Variants in ERFE observed in about 807,000 individuals in gnomAD.
ERFE encodes erythroferrone.
ERFE carries 25 observed loss-of-function variants against 26.6 expected under a neutral mutation model. That is an observed-to-expected ratio of 0.94 (90% confidence interval 0.69 to 1.31). ERFE has a LOEUF of 1.31. Among genes scored for constraint, ERFE ranks in the 40% most tolerant of loss-of-function variants. The probability of loss-of-function intolerance (pLI) is 0.00; values close to 1 mark genes in which losing one functional copy is unlikely to be tolerated. For synonymous variants in ERFE, 206 were observed against 204.5 expected (o/e 1.01, Z -0.06); for missense variants, 447 against 440.2 (o/e 1.02, Z -0.14).
chr2:238,164,363 G>GA lies in ERFE; in HGVS notation c.887+4dup. 1 of 1,542,910 alleles carries GA rather than the reference G, an allele frequency of 6.5e-7. No individual in the cohort carries two copies. The highest frequency in any genetic ancestry group is 8.7e-7 in the Non-Finnish European group (1 of 1,145,654). On this transcript the variant is annotated splice_donor_region_variant and intron_variant, in intron 6 of 7. Transcript: ENST00000546354. ...CAGTCCCGGTGCCAGCGCAACGCGT[G>GA]AGTGTACCCCGGCCCGGACCCCACA...
chr2:238,166,808 T>G, intron 7 of ERFE, 148 bp from the exon 8 acceptor site: 5 of 673,010 alleles, frequency 7.4e-6, no homozygotes, highest in Non-Finnish European at 1.3e-5. Flanking sequence ...CCTTGCTCTG[T>G]GACCTTGGCG....
intron 2 of ERFE, 37 bp downstream of exon 2, chr2:238,161,753 G>T: frequency 6.6e-7 from 1 of 1,514,860 alleles, no homozygotes; most frequent in Non-Finnish European, 8.9e-7. Context: ...GGCCGTGGGG[G>T]GTTCCGCCTC....
chr2:238,160,302 C>A (rs182740544), intron 1 of ERFE, among the ~76,000 whole-genome samples: 1 of 152,326 alleles, frequency 6.6e-6, no homozygotes, highest in African/African-American at 2.4e-5. Flanking sequence ...TCCTGGGACG[C>A]CACCTTCTGC....
In ERFE at chr2:238,163,795, GCCGGTCGCTGCGAGCCTCGCC is replaced by G; in HGVS notation, c.490_510del (p.Ala164_Val170del). On this transcript the variant is annotated inframe_deletion, in exon 4 of 8. Coordinates refer to ENST00000546354, the MANE Select transcript of ERFE (RefSeq NM_001291832.2). ...AACCCTGTACGTGTGGCCCCGCCGG[GCCGGTCGCTGCGAGCCTCGCC>G]CCGGTCTCGGCCACCGCCGGGGAGG... 1.5e-6 allele frequency: 2 copies of G among 1,351,572 alleles called. No homozygotes were observed. Among genetic ancestry groups the G allele is most frequent in the South Asian group, 3.7e-5 (2 of 53,724 alleles). The allele number at this position is 1,351,572 out of a possible 1,614,324, so 83.7% of individuals were successfully genotyped here.
Position 238,162,818 on chromosome 2 carries a change from A to T in ERFE, c.404A>T (p.Glu135Val), listed in dbSNP as rs541208043. Reference protein sequence around the residue: ...PIIPPEALLKEFQLLLKGAVR... With the variant: ...PIIPPEALLKVFQLLLKGAVR... Reference sequence around the variant, plus strand: ...ATCCCACCCGAGGCGCTGCTGAAGGAGTTCCAGCTGCTGCTGAAAGGTAGG... The same window carrying T: ...ATCCCACCCGAGGCGCTGCTGAAGGTGTTCCAGCTGCTGCTGAAAGGTAGG... The change falls in exon 3 of 8, where the codon GAG becomes GTG. Residue 135 changes from glutamate (E) to valine (V), a missense_variant. Coordinates refer to ENST00000546354, the MANE Select transcript of ERFE (RefSeq NM_001291832.2). The T allele has an allele frequency of 2.9e-4, 451 of 1,550,270 alleles. No individual in the cohort carries two copies. The highest frequency in any genetic ancestry group is 3.8e-4 in the Non-Finnish European group (438 of 1,146,840).
rs947260484 is a variant in ERFE, at chr2:238,167,222, G to A, written c.*168G>A. 23 of 761,390 alleles carry A rather than the reference G, an allele frequency of 3.0e-5. No homozygotes were observed. The highest frequency in any genetic ancestry group is 2.4e-4 in the East Asian group (9 of 37,494). 47.2% of individuals were successfully genotyped at this position (761,390 alleles called of 1,614,324 possible). On this transcript the variant is annotated 3_prime_UTR_variant, in exon 8 of 8. Transcript: ENST00000546354. ...ACAGAGCCACTGCAGGCAGGCCTAC[G>A]GACGTGACACGCACGCTGGTGGTCC...
Position 238,163,844 on chromosome 2 carries a change from G to T in ERFE, c.532G>T (p.Asp178Tyr). The stretch of plus-strand genomic sequence containing the variant: ...GGTCTCGGCCACCGCCGGGGAGGAC[G>T]ACGACGACGTGGTGGGGGACGTGCT... ...APVSATAGEDDDDVVGDVLAL... is the reference protein window; with the variant it reads ...APVSATAGEDYDDVVGDVLAL... The change falls in exon 4 of 8, where the codon GAC becomes TAC. Residue 178 changes from aspartate (D) to tyrosine (Y), a missense_variant. Physicochemically the swap from Asp to Tyr is radical, Grantham distance 160. Coordinates refer to ENST00000546354, the MANE Select transcript of ERFE (RefSeq NM_001291832.2). The T allele has an allele frequency of 7.6e-7, 1 of 1,319,962 alleles. No homozygotes were observed. Among genetic ancestry groups the T allele is most frequent in the South Asian group, 2.2e-5 (1 of 45,840 alleles). 81.8% of individuals were successfully genotyped at this position (1,319,962 alleles called of 1,614,324 possible). A position where few individuals can be genotyped will look rare whatever the true frequency, so the allele number is the denominator to read the frequency against.
chr2:238,164,291 G>C lies in ERFE; in HGVS notation c.818G>C (p.Arg273Thr). The C allele has an allele frequency of 6.6e-7, 1 of 1,515,984 alleles. No homozygotes were observed. 93.9% of individuals were successfully genotyped at this position (1,515,984 alleles called of 1,614,324 possible). The change falls in exon 6 of 8, where the codon AGG becomes ACG. Residue 273 changes from arginine (R) to threonine (T), a missense_variant. Arg to Thr is a moderately conservative substitution (Grantham distance 71). Transcript: ENST00000546354. ...GCAGCGCTCGGGGAGCCGCCGAGGAGGGGGCCGCCGCGCCCCCGGGACCAC... is the reference window on the plus strand; with the variant it reads ...GCAGCGCTCGGGGAGCCGCCGAGGACGGGGCCGCCGCGCCCCCGGGACCAC... ...LHVALGEPPR[R>T]GPPRPRDHLR...
At position 238,167,738 on chromosome 2, in the gene ERFE, A is replaced by C. The variant is rs1170791815; in HGVS notation, c.*684A>C. 6.7e-6 allele frequency: 2 copies of C among 297,258 alleles called. No individual in the cohort carries two copies. Among genetic ancestry groups the C allele is most frequent in the Non-Finnish European group, 1.3e-5 (2 of 149,960 alleles). The allele number at this position is 297,258 out of a possible 1,614,324, so 18.4% of individuals were successfully genotyped here. Reference sequence around the variant, plus strand: ...TTCTAGTTCTAATGTGTGCAAGATTAACTCACAAATTCACCTCAGAAGGCC... The same window carrying C: ...TTCTAGTTCTAATGTGTGCAAGATTCACTCACAAATTCACCTCAGAAGGCC... On this transcript the variant is annotated 3_prime_UTR_variant, in exon 8 of 8. Transcript: ENST00000546354.
At chr2:238,165,392 C>A (rs984488157) in intron 6 of ERFE, among the ~76,000 whole-genome samples, 8 of 152,262 alleles carry the variant, frequency 5.3e-5, no homozygotes, top group Admixed American at 1.3e-4. Flanking sequence ...TTGCTGGGCC[C>A]TCGCCTTGCC....
chr2:238,165,052 T>A (rs1693013337), intron 6 of ERFE, among the ~76,000 whole-genome samples: 1 of 152,024 alleles, frequency 6.6e-6, no homozygotes, highest in Admixed American at 6.6e-5. Context: ...GGCCCCCTCC[T>A]CAGTCGCCCT....
chr2:238,168,065 T>C lies in ERFE; in HGVS notation c.*1011T>C, dbSNP rs1466120751. ...AGCATCTTTCCCACTTGGGTGGCCATGCGGCGCTGACATTGGACAGGTGGT... is the reference window on the plus strand; with the variant it reads ...AGCATCTTTCCCACTTGGGTGGCCACGCGGCGCTGACATTGGACAGGTGGT... On this transcript the variant is annotated 3_prime_UTR_variant, in exon 8 of 8. Transcript: ENST00000546354. 6 of 199,616 alleles carry C rather than the reference T, an allele frequency of 3.0e-5. No individual in the cohort carries two copies. Among genetic ancestry groups the C allele is most frequent in the Non-Finnish European group, 6.2e-5 (6 of 96,058 alleles). 12.4% of individuals were successfully genotyped at this position (199,616 alleles called of 1,614,324 possible).
Position 238,164,353 on chromosome 2 carries a change from C to T in ERFE, c.880C>T (p.Arg294Cys), listed in dbSNP as rs114568419. 0.014 allele frequency: 22,204 copies of T among 1,542,222 alleles called. 213 individuals carry two copies. The highest frequency in any genetic ancestry group is 0.018 in the Non-Finnish European group (20,077 of 1,145,440). ...CATCTGCATCCAGTCCCGGTGCCAG[C>T]GCAACGCGTGAGTGTACCCCGGCCC... ...LLICIQSRCQ[R>C]NASLEAIMGL... The change falls in exon 6 of 8, where the codon CGC becomes TGC. Residue 294 changes from arginine (R) to cysteine (C), a missense_variant. Arg to Cys is a radical substitution (Grantham distance 180). Coordinates refer to ENST00000546354, the MANE Select transcript of ERFE (RefSeq NM_001291832.2).
chr2:238,166,408 C>T (rs1193778100), intron 7 of ERFE, among the ~76,000 whole-genome samples: 1 of 152,230 alleles, frequency 6.6e-6, no homozygotes, highest in African/African-American at 2.4e-5. Context: ...GCTTGGTGAA[C>T]TCAGATGGTC....
intron 1 of ERFE, among the ~76,000 whole-genome samples, 163 bp from the exon 2 acceptor site, chr2:238,161,430 AG>A (rs1234993135): frequency 2.0e-5 from 3 of 152,130 alleles, no homozygotes; most frequent in Admixed American, 1.3e-4. Flanking sequence ...AGAAGCTGTG[AG>A]GGGTTGGGGC....
intron 6 of ERFE, among the ~76,000 whole-genome samples, chr2:238,165,325 T>C (rs898972140): frequency 6.6e-6 from 1 of 152,246 alleles, no homozygotes; most frequent in Non-Finnish European, 1.5e-5. Context: ...ACATCCCCAC[T>C]TCCGGCTGCA....
chr2:238,161,289 G>A (rs1477414438), intron 1 of ERFE, among the ~76,000 whole-genome samples: 7 of 152,194 alleles, frequency 4.6e-5, no homozygotes, highest in African/African-American at 9.7e-5. Flanking sequence ...GCAGTACGGG[G>A]ATTCACCCCG....
In ERFE at chr2:238,168,091, G is replaced by T. The variant is rs376839275; in HGVS notation, c.*1037G>T. The T allele has an allele frequency of 1.6e-4, 35 of 222,890 alleles. No homozygotes were observed. Among genetic ancestry groups the T allele is most frequent in the East Asian group, 9.7e-4 (8 of 8,270 alleles). 13.8% of individuals were successfully genotyped at this position (222,890 alleles called of 1,614,324 possible). ...GCGGCGCTGACATTGGACAGGTGGT[G>T]GACGAGAGATGGTCCCGAGAAAGGG... On this transcript the variant is annotated 3_prime_UTR_variant, in exon 8 of 8. Transcript: ENST00000546354.
At position 238,167,187 on chromosome 2, in the gene ERFE, A is replaced by C. The variant is rs1693053345; in HGVS notation, c.*133A>C. The C allele has an allele frequency of 1.1e-6, 1 of 941,670 alleles. No homozygotes were observed. The highest frequency in any genetic ancestry group is 2.0e-5 in the Admixed American group (1 of 50,240). 58.3% of individuals were successfully genotyped at this position (941,670 alleles called of 1,614,324 possible). On this transcript the variant is annotated 3_prime_UTR_variant, in exon 8 of 8. Coordinates refer to ENST00000546354, the MANE Select transcript of ERFE (RefSeq NM_001291832.2). ...GAACTCTGCCCACACTGGCCACTGC[A>C]GTTCAGCCCACAGAGCCACTGCAGG... is the stretch of plus-strand genomic sequence containing the variant.
Sources: gnomAD v4.1 joint callset for allele counts (sites outside exome capture counted in the v4.1 genomes callset) on GRCh38, gnomAD v4.1.1 for gene constraint, MANE v1.5 for transcripts, NCBI Gene and HGNC (gene_info 2026-07-23, HGNC 2026-07-21) for gene names.